The following KCNA3 variants were observed in gnomAD, a reference collection of about 807,000 sequenced individuals.
KCNA3 encodes the protein RP11-284N8.3.
Under a neutral mutation model 34.3 loss-of-function variants are expected in KCNA3, and 18 were observed. The observed-to-expected ratio is 0.52, with a 90% CI of 0.36 to 0.78. The LOEUF (loss-of-function observed/expected upper bound fraction) is 0.78. KCNA3 is among the 30% of genes least tolerant of loss of function. The pLI is 0.00. For missense variants in KCNA3, 587 were observed against 802.5 expected, an observed-to-expected ratio of 0.73 and a Z score of 3.24; for synonymous variants, 324 against 351.7, an observed-to-expected ratio of 0.92 and a Z score of 0.88.
At chr1:110,662,056 T>C in the KCNA3 span, among the ~76,000 whole-genome samples, 1 of 133,382 alleles carries the variant, frequency 7.5e-6, no homozygotes, top group Admixed American at 9.4e-5. Context: ...AAACTTGCAG[T>C]GAGCCGAGAC....
chr1:110,669,941 A>G (rs987241965), downstream of KCNA3, among the ~76,000 whole-genome samples: 13 of 152,190 alleles, frequency 8.5e-5, no homozygotes, highest in African/African-American at 3.1e-4. Context: ...ATAATCTCTT[A>G]GCAAAATCTC....
chr1:110,669,264 A>G (rs1557757343), downstream of KCNA3, among the ~76,000 whole-genome samples: 1 of 152,204 alleles, frequency 6.6e-6, no homozygotes, highest in Non-Finnish European at 1.5e-5. Context: ...GCTATCATCT[A>G]TTGTTGATTA....
At chr1:110,667,062 G>A in the KCNA3 span, among the ~76,000 whole-genome samples, 2 of 152,094 alleles carry the variant, frequency 1.3e-5, no homozygotes, top group Admixed American at 6.6e-5. Context: ...CTATGAACAG[G>A]TGAGGGGTGT....
At chr1:110,666,695 C>A in the KCNA3 span, among the ~76,000 whole-genome samples, 1 of 152,112 alleles carries the variant, frequency 6.6e-6, no homozygotes, top group East Asian at 1.9e-4. Context: ...ATTAAGAGAC[C>A]TTCACACTTA....
chr1:110,658,182 C>T, the KCNA3 span, among the ~76,000 whole-genome samples: 4 of 152,146 alleles, frequency 2.6e-5, no homozygotes, highest in Admixed American at 6.5e-5. Context: ...CTATCTGTTT[C>T]GCTGCAGGTA....
At chr1:110,660,510 A>AAGAG in the KCNA3 span, among the ~76,000 whole-genome samples, 6 of 150,360 alleles carry the variant, frequency 4.0e-5, no homozygotes, top group Non-Finnish European at 8.9e-5. Flanking sequence ...TGGAGAGAAA[A>AAGAG]AGAGAGAGAG....
At chr1:110,670,094 T>C (rs1342687591), downstream of KCNA3, among the ~76,000 whole-genome samples, 1 of 152,184 alleles carries the variant, frequency 6.6e-6, no homozygotes, top group Non-Finnish European at 1.5e-5. Flanking sequence ...AGTAATTTGT[T>C]CAAGATCATA....
In KCNA3 at chr1:110,674,934, T is replaced by C; in HGVS notation, c.-125A>G. On this transcript the variant is annotated 5_prime_UTR_variant, in exon 1 of 1. Transcript: ENST00000369769. The surrounding 1 kb of genome is among the most constrained non-coding windows in gnomAD (Gnocchi z 6.4). Reference sequence around the variant, plus strand: ...GCAGCCAAAGCCGCGATGCTCTGTCTGGGTCTGGCGCGGTCAGCCGGGCTC... The same window carrying C: ...GCAGCCAAAGCCGCGATGCTCTGTCCGGGTCTGGCGCGGTCAGCCGGGCTC... 1 of 1,203,690 alleles carries C rather than the reference T, an allele frequency of 8.3e-7. No homozygotes were observed. The highest frequency in any genetic ancestry group is 1.0e-6 in the Non-Finnish European group (1 of 956,324). 74.6% of individuals were successfully genotyped at this position (1,203,690 alleles called of 1,614,324 possible). A position where few individuals can be genotyped will look rare whatever the true frequency, so the allele number is the denominator to read the frequency against.
the KCNA3 span, among the ~76,000 whole-genome samples, chr1:110,659,285 T>C: frequency 0.034 from 5,204 of 152,296 alleles, 146 homozygotes; most frequent in Middle Eastern, 0.065. Context: ...TTCATCAAAA[T>C]GTCAAAAGGT....
At chr1:110,657,944 G>C in the KCNA3 span, among the ~76,000 whole-genome samples, 1 of 152,154 alleles carries the variant, frequency 6.6e-6, no homozygotes, top group African/African-American at 2.4e-5. Context: ...TACTAAATGG[G>C]CTAACATAGA....
chr1:110,662,749 A>G, the KCNA3 span, among the ~76,000 whole-genome samples: 11 of 152,328 alleles, frequency 7.2e-5, no homozygotes, highest in East Asian at 2.1e-3. Flanking sequence ...AGTCATGGGA[A>G]AATGAGCTGT....
Position 110,674,082 on chromosome 1 carries a change from AC to A in KCNA3, c.727del (p.Val243SerfsTer86), listed in dbSNP as rs1651986812. On this transcript the variant is annotated frameshift_variant, in exon 1 of 1. Transcript: ENST00000369769. LOFTEE classifies it high-confidence loss of function. This position sits in a 1 kb window ranked among gnomAD's most constrained non-coding sequence, Gnocchi z 6.4. ...GAAGATGACAATGGAGATGAGGATG[AC>A]CAGCACGGACACGATGGCGATGCCC... The part of the protein sequence containing the change: ...ARGIAIVSVL[V>X]ILISIVIFCL... 1.2e-6 allele frequency: 2 copies of A among 1,609,076 alleles called. No homozygotes were observed. Among genetic ancestry groups the A allele is most frequent in the Non-Finnish European group, 1.7e-6 (2 of 1,177,640 alleles).
the KCNA3 span, among the ~76,000 whole-genome samples, chr1:110,658,150 C>G: frequency 6.6e-6 from 1 of 152,120 alleles, no homozygotes; most frequent in South Asian, 2.1e-4. Context: ...AGAAAGTTAC[C>G]TAGATTGTAT....
At chr1:110,662,249 A>C in the KCNA3 span, among the ~76,000 whole-genome samples, 1 of 152,128 alleles carries the variant, frequency 6.6e-6, no homozygotes, top group Non-Finnish European at 1.5e-5. Context: ...ACAGTGACCT[A>C]TAATTGAAGA....
At chr1:110,664,276 T>A in the KCNA3 span, among the ~76,000 whole-genome samples, 2 of 152,186 alleles carry the variant, frequency 1.3e-5, no homozygotes, top group African/African-American at 4.8e-5. Flanking sequence ...CTATTACGTA[T>A]GAAAAAACAT....
chr1:110,654,273 G>A, the KCNA3 span: 4 of 152,082 alleles, frequency 2.6e-5, no homozygotes, highest in Non-Finnish European at 5.9e-5. Context: ...TTTTTGAATA[G>A]TTACAGGAAA....
Position 110,674,563 on chromosome 1 carries a change from AGCC to A in KCNA3, c.244_246del (p.Gly82del), listed in dbSNP as rs1350331792. ...GGCGGCAGCGGCTCGTAGCGGTCGC[AGCC>A]GCCGCCGCCACAGCCGCCTTGAGGC... On this transcript the variant is annotated inframe_deletion, in exon 1 of 1. Coordinates refer to ENST00000369769, the MANE Select transcript of KCNA3 (RefSeq NM_002232.5). This position sits in a 1 kb window ranked among gnomAD's most constrained non-coding sequence, Gnocchi z 6.4. 8.4e-6 allele frequency: 13 copies of A among 1,550,918 alleles called. No homozygotes were observed. The highest frequency in any genetic ancestry group is 2.5e-5 in the East Asian group (1 of 40,522).
At chr1:110,666,272 G>A in the KCNA3 span, among the ~76,000 whole-genome samples, 1 of 152,064 alleles carries the variant, frequency 6.6e-6, no homozygotes, top group Non-Finnish European at 1.5e-5. Context: ...ACTATAATAG[G>A]GGAATTGAAA....
At chr1:110,659,685 C>T in the KCNA3 span, among the ~76,000 whole-genome samples, 1 of 151,734 alleles carries the variant, frequency 6.6e-6, no homozygotes, top group Non-Finnish European at 1.5e-5. Flanking sequence ...ATGAACCAGC[C>T]CAAATGTCCC....
Sources: gnomAD v4.1 joint callset for allele counts (sites outside exome capture counted in the v4.1 genomes callset) on GRCh38, gnomAD v4.1.1 for gene constraint, Gnocchi (gnomAD v3.1) non-coding constraint, MANE v1.5 for transcripts, NCBI Gene and HGNC (gene_info 2026-07-23, HGNC 2026-07-21) for gene names.